Variants in CEP135 observed in about 807,000 individuals in gnomAD.
The protein encoded by CEP135 is centrosomal protein 135, also known as centrosomal protein of 135 kDa.
In CEP135, 142 loss-of-function variants were observed where a neutral mutation model predicts 157.3. The observed-to-expected ratio is 0.90, with a 90% confidence interval of 0.79 to 1.04. The LOEUF (loss-of-function observed/expected upper bound fraction) is 1.04, where lower values mean the gene tolerates loss of function less well. CEP135 is among the 50% of genes least tolerant of loss of function. CEP135 has a pLI of 0.00. For synonymous variants in CEP135, 396 were observed against 439.8 expected (o/e 0.90, Z 1.25); for missense variants, 1,317 against 1,309.2 (o/e 1.01, Z -0.09).
At chr4:56,006,209 A>G (rs1005312278) in intron 17 of CEP135, among the ~76,000 whole-genome samples, 1 of 152,166 alleles carries the variant, frequency 6.6e-6, no homozygotes, top group Non-Finnish European at 1.5e-5. Flanking sequence ...CTTGAACACC[A>G]GTAATCCTTA....
chr4:55,949,273 G>T (rs574345406), intron 1 of CEP135, among the ~76,000 whole-genome samples: 1 of 144,210 alleles, frequency 6.9e-6, no homozygotes, highest in Non-Finnish European at 1.5e-5. Flanking sequence ...AACACCCGAC[G>T]GTAAAGTTGC....
intron 14 of CEP135, among the ~76,000 whole-genome samples, chr4:55,991,329 T>C (rs1729785651): frequency 6.6e-6 from 1 of 151,384 alleles, no homozygotes; most frequent in East Asian, 1.9e-4. Context: ...TTTTTTTTTT[T>C]TTTTGTAAAT....
In CEP135 at chr4:56,032,845, GA is replaced by G. The variant is rs1367332358; in HGVS notation, c.*1499del. 1.7e-5 allele frequency: 2 copies of G among 115,932 alleles called. No individual in the cohort carries two copies. The highest frequency in any genetic ancestry group is 7.1e-5 in the African/African-American group (2 of 28,082). The allele number at this position is 115,932 out of a possible 1,614,324, so 7.2% of individuals were successfully genotyped here. Reference sequence around the variant, plus strand: ...GTTTCCTCTTGTGGTTTAATAAAGTGAAGTGTGTGTGTGTGTGTGTGTGTGT... The same window carrying G: ...GTTTCCTCTTGTGGTTTAATAAAGTGAGTGTGTGTGTGTGTGTGTGTGTGT... On this transcript the variant is annotated 3_prime_UTR_variant, in exon 26 of 26. Coordinates refer to ENST00000257287, the MANE Select transcript of CEP135 (RefSeq NM_025009.5).
chr4:55,995,583 T>A (rs888855246), intron 15 of CEP135, among the ~76,000 whole-genome samples: 2 of 152,238 alleles, frequency 1.3e-5, no homozygotes, highest in African/African-American at 4.8e-5. Flanking sequence ...TAGTGTGGTA[T>A]GGACACTGAA....
chr4:55,962,730 C>CTTTTTTTTTTTTTTTTT (rs56378859), intron 6 of CEP135, among the ~76,000 whole-genome samples: 1 of 125,370 alleles, frequency 8.0e-6, no homozygotes. Context: ...TTTTAAGCCT[C>CTTTTTTTTTTTTTTTTT]TTTTTTTTTT....
rs189205506 is a variant in CEP135, at chr4:55,960,153, C to A, written c.699+387C>A. ...TATCTCCCCAAATATAATTTTATAA[C>A]CATATTACCGTTTTCATCTCAGGAG... On this transcript the variant is annotated intron_variant, in intron 6 of 25. Transcript: ENST00000257287. The A allele has an allele frequency of 1.7e-3, 455 of 271,716 alleles. 1 individual carries two copies. The highest frequency in any genetic ancestry group is 2.5e-3 in the Non-Finnish European group (370 of 147,654). 16.8% of individuals were successfully genotyped at this position (271,716 alleles called of 1,614,324 possible). A position where few individuals can be genotyped will look rare whatever the true frequency, so the allele number is the denominator to read the frequency against.
chr4:55,981,389 T>A lies in CEP135; in HGVS notation c.1779+10T>A, dbSNP rs375456669. ...AAGAGAAAAATTAGAGGTAAGAAGATTGACATGTTTTTGAAAGGTAATTTG... is the reference window on the plus strand; with the variant it reads ...AAGAGAAAAATTAGAGGTAAGAAGAATGACATGTTTTTGAAAGGTAATTTG... On this transcript the variant is annotated intron_variant, in intron 13 of 25. Coordinates refer to ENST00000257287, the MANE Select transcript of CEP135 (RefSeq NM_025009.5). 3.0e-5 allele frequency: 47 copies of A among 1,560,128 alleles called. No individual in the cohort carries two copies. The highest frequency in any genetic ancestry group is 3.9e-5 in the Non-Finnish European group (45 of 1,162,224).
chr4:55,997,679 T>C (rs964436210), intron 15 of CEP135, among the ~76,000 whole-genome samples: 4 of 128,940 alleles, frequency 3.1e-5, no homozygotes, highest in African/African-American at 1.2e-4. Flanking sequence ...CCTTACTTTC[T>C]TTGTGACCTT....
At chr4:56,024,656 T>C in intron 25 of CEP135, 42 bp downstream of exon 25, 2 of 1,340,868 alleles carry the variant, frequency 1.5e-6, no homozygotes, top group Non-Finnish European at 2.1e-6. Context: ...TAATCTGTGG[T>C]TGTAAAAATT....
Position 55,981,278 on chromosome 4 carries a change from C to T in CEP135, c.1678C>T (p.Pro560Ser). The change falls in exon 13 of 26, where the codon CCC (proline) becomes TCC (serine). Residue 560 changes from proline to serine, a missense_variant. Transcript: ENST00000257287. Reference sequence around the variant, plus strand: ...AAAGGAATCCACCCAAACCACAGCACCCCATAATATTGTTAGTCTTATGGA... The same window carrying T: ...AAAGGAATCCACCCAAACCACAGCATCCCATAATATTGTTAGTCTTATGGA... ...LRKESTQTTA[P>S]HNIVSLMEKE... 1 of 1,597,702 alleles carries T rather than the reference C, an allele frequency of 6.3e-7. No homozygotes were observed.
intron 11 of CEP135, among the ~76,000 whole-genome samples, chr4:55,977,851 C>T (rs888502399): frequency 4.6e-5 from 7 of 152,054 alleles, no homozygotes; most frequent in Admixed American, 1.3e-4. Context: ...ATCTAGTTAC[C>T]GGTGAATGGT....
chr4:56,003,628 T>C (rs1730253007), intron 17 of CEP135, among the ~76,000 whole-genome samples: 1 of 152,222 alleles, frequency 6.6e-6, no homozygotes, highest in Non-Finnish European at 1.5e-5. Context: ...TAGTTTCTGG[T>C]TGAGGTACAT....
chr4:56,011,648 T>G, intron 20 of CEP135, 126 bp downstream of exon 20: 1 of 977,540 alleles, frequency 1.0e-6, no homozygotes, highest in Admixed American at 2.9e-5. Flanking sequence ...CTTTTTCTAT[T>G]TTTCCCATAG....
At chr4:55,966,190 T>G (rs1728839106) in intron 8 of CEP135, 3 of 199,274 alleles carry the variant, frequency 1.5e-5, no homozygotes, top group Non-Finnish European at 3.0e-5. Context: ...TCTATGTCAT[T>G]TTTGCTCAAG....
At chr4:56,000,848 G>T (rs1405479735) in intron 17 of CEP135, among the ~76,000 whole-genome samples, 1 of 152,032 alleles carries the variant, frequency 6.6e-6, no homozygotes, top group Non-Finnish European at 1.5e-5. Flanking sequence ...CATAGTGGCT[G>T]TACTAATTTA....
intron 15 of CEP135, among the ~76,000 whole-genome samples, chr4:55,994,093 T>G (rs1729882896): frequency 6.6e-6 from 1 of 152,182 alleles, no homozygotes; most frequent in Non-Finnish European, 1.5e-5. Context: ...TGAATCCAAG[T>G]CTAAAGCGAA....
At chr4:55,963,114 A>G (rs1159099657) in intron 6 of CEP135, among the ~76,000 whole-genome samples, 2 of 152,160 alleles carry the variant, frequency 1.3e-5, no homozygotes, top group Non-Finnish European at 2.9e-5. Context: ...GCCTTCGCAT[A>G]CCACTCACCA....
chr4:55,952,536 C>CT (rs75650503), intron 2 of CEP135: 117 of 225,592 alleles, frequency 5.2e-4, no homozygotes, highest in South Asian at 1.8e-3. Context: ...CCCTTAAGTT[C>CT]TTTTTTTTTC....
intron 25 of CEP135, among the ~76,000 whole-genome samples, chr4:56,028,788 G>A (rs2109757111): frequency 6.6e-6 from 1 of 152,186 alleles, no homozygotes; most frequent in East Asian, 1.9e-4. Flanking sequence ...ACACCACTCA[G>A]CATACCACTT....
Sources: allele counts gnomAD v4.1 joint callset (sites outside exome capture counted in the v4.1 genomes callset), GRCh38; gene constraint gnomAD v4.1.1; transcripts MANE v1.5; gene names NCBI Gene and HGNC (gene_info 2026-07-23, HGNC 2026-07-21).